GALC: variants seen among roughly 807,000 people sequenced by gnomAD.
The protein encoded by GALC is galactocerebrosidase.
Under a neutral mutation model 91.8 loss-of-function variants are expected in GALC, and 77 were observed. The ratio of observed to expected loss-of-function variants is 0.84; its 90% CI spans 0.70 to 1.01. GALC has a LOEUF of 1.01. GALC is among the 50% of genes least tolerant of loss of function. The probability of loss-of-function intolerance (pLI) is 0.00; values close to 1 mark genes in which losing one functional copy is unlikely to be tolerated. For missense variants in GALC, 882 were observed against 855.9 expected, an observed-to-expected ratio of 1.03 and a Z score of -0.38; for synonymous variants, 357 against 306.7, an observed-to-expected ratio of 1.16 and a Z score of -1.71.
At chr14:87,990,552 G>A (rs1023811414) in intron 1 of GALC, among the ~76,000 whole-genome samples, 1 of 152,134 alleles carries the variant, frequency 6.6e-6, no homozygotes, top group Non-Finnish European at 1.5e-5. Flanking sequence ...TATTAAAATA[G>A]GCACTCTTTA....
Position 87,993,109 on chromosome 14 carries a change from G to T in GALC, c.56C>A (p.Ala19Glu). The change falls in exon 1 of 17, where the codon GCG (alanine) becomes GAG (glutamate). Residue 19 changes from alanine (A) to glutamate (E), a missense_variant. By Grantham distance (107) the Ala-to-Glu change is moderately radical. Coordinates refer to ENST00000261304, the MANE Select transcript of GALC (RefSeq NM_000153.4). Reference protein sequence around the residue: ...SWQRRAKAMTAAAGSAGRAAV... With the variant: ...SWQRRAKAMTEAAGSAGRAAV... ...GGCGCGGCCCGCCGAACCCGCGGCC[G>T]CAGTCATAGCTTTCGCTCGGCGTTG... is the stretch of plus-strand genomic sequence containing the variant. 1 of 1,588,638 alleles carries T rather than the reference G, an allele frequency of 6.3e-7. No homozygotes were observed. Among genetic ancestry groups the T allele is most frequent in the Non-Finnish European group, 8.6e-7 (1 of 1,168,390 alleles).
intron 14 of GALC, among the ~76,000 whole-genome samples, chr14:87,941,983 A>G (rs1884877198): frequency 6.6e-6 from 1 of 151,988 alleles, no homozygotes; most frequent in Non-Finnish European, 1.5e-5. Context: ...AGGCAATGCT[A>G]GGAGCCTTTG....
chr14:87,971,665 G>A (rs142751320), intron 7 of GALC, among the ~76,000 whole-genome samples: 37 of 152,156 alleles, frequency 2.4e-4, no homozygotes, highest in Non-Finnish European at 5.1e-4. Flanking sequence ...TAAAACAATT[G>A]TAAATAATAT....
chr14:87,952,976 C>T (rs2139969125), intron 10 of GALC: 1 of 976,198 alleles, frequency 1.0e-6, no homozygotes, highest in East Asian at 2.5e-5. Flanking sequence ...AGAACTTTCA[C>T]TCAAATTTGT....
intron 7 of GALC, among the ~76,000 whole-genome samples, chr14:87,971,930 C>A (rs1230987830): frequency 1.3e-5 from 2 of 152,038 alleles, no homozygotes; most frequent in Non-Finnish European, 2.9e-5. Flanking sequence ...TGAGGGAGAA[C>A]AACTTTCAGT....
chr14:87,986,389 A>G (rs1886970732), intron 4 of GALC, 100 bp downstream of exon 4: 1 of 768,962 alleles, frequency 1.3e-6, no homozygotes, highest in African/African-American at 1.7e-5. Context: ...TAATGACATT[A>G]TGAGTACTTC....
chr14:87,971,533 A>G (rs77676921), intron 7 of GALC, among the ~76,000 whole-genome samples: 17,189 of 152,220 alleles, frequency 0.11, 1,142 homozygotes, highest in Non-Finnish European at 0.16. Context: ...TTACCACAAT[A>G]AAACACATAA....
intron 8 of GALC, among the ~76,000 whole-genome samples, chr14:87,967,477 A>T (rs1886104273): frequency 6.6e-6 from 1 of 152,154 alleles, no homozygotes; most frequent in African/African-American, 2.4e-5. Flanking sequence ...ATATACAGCA[A>T]CCCACATTAA....
intron 1 of GALC, chr14:87,992,176 T>C (rs1015515338): frequency 1.0e-6 from 1 of 971,046 alleles, no homozygotes; most frequent in East Asian, 2.6e-5. Flanking sequence ...TTGTTCTGAG[T>C]TGAATGTAAG....
chr14:87,968,568 A>G (rs1886153131), intron 7 of GALC, 78 bp from the exon 8 acceptor site: 2 of 1,373,910 alleles, frequency 1.5e-6, no homozygotes, highest in African/African-American at 2.9e-5. Context: ...TGTTGAGTAT[A>G]TAAAAATACG....
chr14:87,938,745 T>A (rs1452949546), intron 16 of GALC, among the ~76,000 whole-genome samples: 1 of 151,910 alleles, frequency 6.6e-6, no homozygotes, highest in African/African-American at 2.4e-5. Flanking sequence ...AAGAAGGCCT[T>A]ATTTAAAACA....
chr14:87,978,180 T>A, intron 6 of GALC, among the ~76,000 whole-genome samples: 1 of 152,234 alleles, frequency 6.6e-6, no homozygotes, highest in Admixed American at 6.5e-5. Flanking sequence ...GCCTCTCAAG[T>A]AGCTGGGATT....
rs2139951380 is a variant in GALC, at chr14:87,945,633, T to A, written c.1590A>T (p.Leu530=). The change falls in exon 14 of 17, where the codon CTA becomes CTT. Residue 530 remains leucine (L), a synonymous_variant. Coordinates refer to ENST00000261304, the MANE Select transcript of GALC (RefSeq NM_000153.4). The part of the protein sequence containing the change: ...IEDPGEHHFT[L]RQVLNQRPIT... ...TGGGTCTCTGGTTGAGAACTTGGCG[T>A]AGCGTGAAGTGATGCTCGCCAGGGT... The A allele has an allele frequency of 6.2e-7, 1 of 1,609,196 alleles. No individual in the cohort carries two copies.
intron 10 of GALC, chr14:87,952,822 G>T: frequency 2.1e-6 from 3 of 1,401,772 alleles, no homozygotes; most frequent in South Asian, 2.3e-5. Flanking sequence ...CACTCCTCTA[G>T]ACTGAGTGAG....
intron 8 of GALC, 55 bp downstream of exon 8, chr14:87,968,273 TCTAACTC>T: frequency 7.2e-7 from 1 of 1,395,018 alleles, no homozygotes; most frequent in Non-Finnish European, 1.0e-6. Context: ...TCCATTTTTT[TCTAACTC>T]TTATGTTTTT....
chr14:87,954,559 T>G (rs1461248771), intron 10 of GALC: 19 of 1,562,988 alleles, frequency 1.2e-5, no homozygotes, highest in Non-Finnish European at 1.6e-5. Flanking sequence ...TTGATGATGA[T>G]GTAAGGGCAA....
At chr14:87,956,572 TATACACACACACCATATATATACACAC>T (rs1566982127) in intron 10 of GALC, among the ~76,000 whole-genome samples, 4 of 140,574 alleles carry the variant, frequency 2.8e-5, no homozygotes, top group African/African-American at 1.0e-4. Flanking sequence ...TATATATATA[TATACACACACACCATATATATACACAC>T]ACACACACAC....
chr14:87,992,341 G>T, intron 1 of GALC: 1 of 1,535,696 alleles, frequency 6.5e-7, no homozygotes, highest in Non-Finnish European at 8.7e-7. Context: ...GGGCCCAGAG[G>T]GAGTACCCGG....
At chr14:87,944,936 C>T (rs889500526) in intron 14 of GALC, among the ~76,000 whole-genome samples, 2 of 151,570 alleles carry the variant, frequency 1.3e-5, no homozygotes, top group African/African-American at 4.9e-5. Context: ...GAAAAAGAAA[C>T]ACATGACAGG....
Sources: gnomAD v4.1 joint callset for allele counts (sites outside exome capture counted in the v4.1 genomes callset) on GRCh38, gnomAD v4.1.1 for gene constraint, MANE v1.5 for transcripts, NCBI Gene and HGNC (gene_info 2026-07-23, HGNC 2026-07-21) for gene names.